SEMA5B: variants seen among roughly 807,000 people sequenced by gnomAD.
The protein encoded by SEMA5B is semaphorin-5B.
SEMA5B carries 66 observed loss-of-function variants against 135.0 expected under a neutral mutation model. The observed-to-expected ratio is 0.49, with a 90% CI of 0.40 to 0.60. The LOEUF (loss-of-function observed/expected upper bound fraction) is 0.60, where lower values mean the gene tolerates loss of function less well. Among genes scored for constraint, SEMA5B ranks in the 20% least tolerant of loss-of-function variants. The probability of loss-of-function intolerance (pLI) is 0.00; values close to 1 mark genes in which losing one functional copy is unlikely to be tolerated. For missense variants in SEMA5B, 1,501 were observed against 1,566.3 expected (o/e 0.96, Z 0.70); for synonymous variants, 690 against 639.5 (o/e 1.08, Z -1.19).
intron 3 of SEMA5B, among the ~76,000 whole-genome samples, chr3:122,945,132 G>A (rs896283595): frequency 1.4e-4 from 21 of 152,294 alleles, no homozygotes; most frequent in African/African-American, 2.6e-4. Context: ...ATCGCTCCCT[G>A]GAGAACTGGA....
At position 122,909,687 on chromosome 3, in the gene SEMA5B, T is replaced by G. The variant is rs1937605505; in HGVS notation, c.*456A>C. Reference sequence around the variant, plus strand: ...TCCAGAGCTACTGGAGCCACTTGATTGATTACTTTCAGAGATAATCAGGAT... The same window carrying G: ...TCCAGAGCTACTGGAGCCACTTGATGGATTACTTTCAGAGATAATCAGGAT... On this transcript the variant is annotated 3_prime_UTR_variant, in exon 23 of 23. Transcript: ENST00000357599. The G allele has an allele frequency of 6.5e-6, 1 of 154,882 alleles. No individual in the cohort carries two copies. Among genetic ancestry groups the G allele is most frequent in the Admixed American group, 6.5e-5 (1 of 15,476 alleles). The allele number at this position is 154,882 out of a possible 1,614,324, so 9.6% of individuals were successfully genotyped here.
chr3:123,011,848 C>T (rs1942444280), intron 1 of SEMA5B, among the ~76,000 whole-genome samples: 1 of 152,190 alleles, frequency 6.6e-6, no homozygotes. Context: ...CTCCAGGACA[C>T]AGAATGAGCC....
At chr3:122,963,461 C>A (rs1475734145) in intron 1 of SEMA5B, among the ~76,000 whole-genome samples, 1 of 148,072 alleles carries the variant, frequency 6.8e-6, no homozygotes, top group Admixed American at 6.8e-5. Flanking sequence ...CCATTGCACT[C>A]CAGCCTGGAA....
At chr3:122,981,014 C>A (rs781134145) in intron 1 of SEMA5B, among the ~76,000 whole-genome samples, 4 of 152,218 alleles carry the variant, frequency 2.6e-5, no homozygotes, top group Non-Finnish European at 4.4e-5. Context: ...AAGCACGTCA[C>A]CAGGTAGCAC....
chr3:123,009,506 CATGT>C (rs1460363133), intron 1 of SEMA5B, among the ~76,000 whole-genome samples: 1 of 151,858 alleles, frequency 6.6e-6, no homozygotes, highest in African/African-American at 2.4e-5. Flanking sequence ...CCTCCGTTCA[CATGT>C]ATGTGTGTGT....
At position 122,910,880 on chromosome 3, in the gene SEMA5B, C is replaced by T; in HGVS notation, c.3257G>A (p.Gly1086Asp). 1 of 1,612,346 alleles carries T rather than the reference C, an allele frequency of 6.2e-7. No homozygotes were observed. Among genetic ancestry groups the T allele is most frequent in the Non-Finnish European group, 8.5e-7 (1 of 1,179,870 alleles). Residue 1086 changes from glycine to aspartate, a missense_variant, in exon 22 of 23, where the codon GGC becomes GAC. Transcript: ENST00000357599. The part of the protein sequence containing the change: ...TPNHLHYKGG[G>D]TPKNEKYTPM... Reference sequence around the variant, plus strand: ...TGTGTACTTTTCATTCTTCGGGGTGCCTCCGCCCTTGTAGTGCAAATGGTT... The same window carrying T: ...TGTGTACTTTTCATTCTTCGGGGTGTCTCCGCCCTTGTAGTGCAAATGGTT...
At position 122,997,872 on chromosome 3, in the gene SEMA5B, C is replaced by T. The variant is rs559275652; in HGVS notation, c.-39+29592G>A. 3.9e-5 allele frequency among the ~76,000 whole-genome samples: 6 copies of T among 152,300 alleles called. No homozygotes were observed. The East Asian group carries it at 5.8e-4, about 15-fold the overall frequency. Reference sequence around the variant, plus strand: ...ACCACCCAGAGTGGGCCTCTCTCCTCGCTGGGTCTTGTTATAGTTTGTCTC... The same window carrying T: ...ACCACCCAGAGTGGGCCTCTCTCCTTGCTGGGTCTTGTTATAGTTTGTCTC... On this transcript the variant is annotated intron_variant, in intron 1 of 22. Transcript: ENST00000357599.
In SEMA5B at chr3:122,910,446, T is replaced by A. The variant is rs13434349; in HGVS notation, c.3298-145A>T. ...CTCTGTTCACACCACCACTGCCCAG[T>A]TCCACCCAGCTGAGGGCCAGAACCC... is the stretch of plus-strand genomic sequence containing the variant. On this transcript the variant is annotated intron_variant, in intron 22 of 22. Coordinates refer to ENST00000357599, the MANE Select transcript of SEMA5B (RefSeq NM_001031702.4). The A allele has an allele frequency of 4.1e-3, 3,339 of 817,738 alleles. 89 individuals carry two copies. The African/African-American group carries it at 0.052, about 13-fold the overall frequency. 50.7% of individuals were successfully genotyped at this position (817,738 alleles called of 1,614,324 possible). A position where few individuals can be genotyped will look rare whatever the true frequency, so the allele number is the denominator to read the frequency against.
chr3:122,913,454 A>G lies in SEMA5B; in HGVS notation c.2281-30T>C, dbSNP rs7614877. 0.01 allele frequency: 16,273 copies of G among 1,557,746 alleles called. 1,325 individuals carry two copies. The African/African-American group carries it at 0.19, about 18-fold the overall frequency. On this transcript the variant is annotated intron_variant, in intron 16 of 22. Transcript: ENST00000357599. The stretch of plus-strand genomic sequence containing the variant: ...GGGTGGCGGCAGAGGCAGCTTTAGA[A>G]CCCCACGGCCTCCAGGCCCGCCCTC...
chr3:123,015,057 A>G (rs1158991910), intron 1 of SEMA5B, among the ~76,000 whole-genome samples: 1 of 152,216 alleles, frequency 6.6e-6, no homozygotes, highest in African/African-American at 2.4e-5. Context: ...CTATAAAACA[A>G]GAAACACCAA....
In SEMA5B at chr3:122,911,223, A is replaced by AC. The variant is rs1937681638; in HGVS notation, c.3092-179dup. 23 of 1,071,522 alleles carry AC rather than the reference A, an allele frequency of 2.1e-5. No individual in the cohort carries two copies. The South Asian group carries it at 3.8e-4, about 18-fold the overall frequency. The allele number at this position is 1,071,522 out of a possible 1,614,324, so 66.4% of individuals were successfully genotyped here. Reference sequence around the variant, plus strand: ...GAGGCTGTCACTGGGGACCTCTTTCACAAGGTACCCTGTGGCTCAAGTCAG... The same window carrying AC: ...GAGGCTGTCACTGGGGACCTCTTTCACCAAGGTACCCTGTGGCTCAAGTCAG... On this transcript the variant is annotated intron_variant, in intron 21 of 22. Transcript: ENST00000357599.
At chr3:122,965,879 A>G (rs1368503137) in intron 1 of SEMA5B, among the ~76,000 whole-genome samples, 17 of 152,234 alleles carry the variant, frequency 1.1e-4, no homozygotes, top group Admixed American at 1.0e-3. Context: ...AGAGTGGGCC[A>G]TGGCTACATG....
chr3:123,014,160 G>A (rs987410495), intron 1 of SEMA5B, among the ~76,000 whole-genome samples: 7 of 152,328 alleles, frequency 4.6e-5, no homozygotes, highest in Admixed American at 3.3e-4. Context: ...GCACTAGGGC[G>A]GCTGGGAGGC....
intron 16 of SEMA5B, 29 bp downstream of exon 16, chr3:122,913,505 C>A: frequency 6.2e-7 from 1 of 1,600,126 alleles, no homozygotes; most frequent in Non-Finnish European, 8.5e-7. Context: ...CCCTACACCG[C>A]GCCCCTGGCC....
At chr3:122,944,041 G>A (rs1426401868) in intron 3 of SEMA5B, among the ~76,000 whole-genome samples, 1 of 152,078 alleles carries the variant, frequency 6.6e-6, no homozygotes, top group Non-Finnish European at 1.5e-5. Flanking sequence ...ATGCAAATGT[G>A]GTCATGTCAC....
chr3:122,987,277 C>T (rs1355575094), intron 1 of SEMA5B, among the ~76,000 whole-genome samples: 1 of 152,120 alleles, frequency 6.6e-6, no homozygotes, highest in East Asian at 1.9e-4. Flanking sequence ...CTTGTCCCCC[C>T]CATAAGTGGG....
intron 1 of SEMA5B, among the ~76,000 whole-genome samples, chr3:122,994,136 T>A (rs1418956955): frequency 2.0e-5 from 3 of 151,318 alleles, no homozygotes; most frequent in African/African-American, 7.3e-5. Context: ...CAACCTTCCC[T>A]CCTCTGTGCT....
chr3:122,909,282 A>AGT lies in SEMA5B; in HGVS notation c.*859_*860dup, dbSNP rs35400509. 13,469 of 148,604 alleles carry AGT rather than the reference A, an allele frequency of 0.091. 639 individuals are homozygous for AGT. The highest frequency in any genetic ancestry group is 0.12 in the African/African-American group (4,694 of 38,906). The allele number at this position is 148,604 out of a possible 1,614,324, so 9.2% of individuals were successfully genotyped here. Reference sequence around the variant, plus strand: ...AATTGTGATTGTGTGTGCGTGTGTGAGTGTGTGTGTGTGTGTGTTCCTGAA... The same window carrying AGT: ...AATTGTGATTGTGTGTGCGTGTGTGAGTGTGTGTGTGTGTGTGTGTTCCTGAA... On this transcript the variant is annotated 3_prime_UTR_variant, in exon 23 of 23. Coordinates refer to ENST00000357599, the MANE Select transcript of SEMA5B (RefSeq NM_001031702.4).
At position 122,972,618 on chromosome 3, in the gene SEMA5B, G is replaced by T. The variant is rs1344928412; in HGVS notation, c.-38-11317C>A. Reference sequence around the variant, plus strand: ...CCACAGATGTAACTGGGCCAGCACTGGGGAGAGAGACCCCCACCTGAGTCG... The same window carrying T: ...CCACAGATGTAACTGGGCCAGCACTTGGGAGAGAGACCCCCACCTGAGTCG... On this transcript the variant is annotated intron_variant, in intron 1 of 22. Transcript: ENST00000357599. Among the ~76,000 whole-genome samples the T allele has an allele frequency of 2.6e-5, 4 of 152,328 alleles. No homozygotes were observed. The East Asian group carries it at 7.7e-4, about 29-fold the overall frequency.
Sources: allele counts gnomAD v4.1 joint callset (sites outside exome capture counted in the v4.1 genomes callset), GRCh38; gene constraint gnomAD v4.1.1; transcripts MANE v1.5; gene names NCBI Gene and HGNC (gene_info 2026-07-23, HGNC 2026-07-21).